The following SCN9A variants were observed in gnomAD, a reference collection of about 807,000 sequenced individuals.
SCN9A encodes the protein sodium voltage-gated channel alpha subunit 9, also known as sodium channel protein type 9 subunit alpha.
Under a neutral mutation model 187.0 loss-of-function variants are expected in SCN9A, and 131 were observed. The observed-to-expected ratio is 0.70, with a 90% CI of 0.61 to 0.81. The LOEUF (loss-of-function observed/expected upper bound fraction) is 0.81. SCN9A is among the 30% of genes least tolerant of loss of function. The probability of loss-of-function intolerance (pLI) is 0.00; values close to 1 mark genes in which losing one functional copy is unlikely to be tolerated. For missense variants in SCN9A, 2,252 were observed against 2,396.6 expected (o/e 0.94, Z 1.26); for synonymous variants, 809 against 808.6 (o/e 1.00, Z -0.01).
intron 5 of SCN9A, 73 bp downstream of exon 5, chr2:166,305,719 T>G: frequency 6.3e-7 from 1 of 1,589,296 alleles, no homozygotes; most frequent in Non-Finnish European, 8.6e-7. Flanking sequence ...CCCCAGAGGT[T>G]TGCTGTTATT....
chr2:166,286,233 G>T, intron 11 of SCN9A, 103 bp downstream of exon 11: 1 of 1,095,682 alleles, frequency 9.1e-7, no homozygotes, highest in South Asian at 1.8e-5. Context: ...TCATACCAAT[G>T]AAATCACTCA....
chr2:166,340,414 T>A (rs1006466936), intron 1 of SCN9A, among the ~76,000 whole-genome samples: 19 of 152,264 alleles, frequency 1.2e-4, no homozygotes, highest in Middle Eastern at 3.4e-3. Flanking sequence ...TTGAATTTTT[T>A]AAAAATCAGG....
intron 1 of SCN9A, among the ~76,000 whole-genome samples, chr2:166,344,016 AGGATCAT>A (rs1699846300): frequency 6.6e-6 from 1 of 152,192 alleles, no homozygotes; most frequent in Non-Finnish European, 1.5e-5. Flanking sequence ...ATAACAGATT[AGGATCAT>A]GGAGAATTAT....
intron 7 of SCN9A, among the ~76,000 whole-genome samples, chr2:166,299,179 T>G (rs1698449383): frequency 7.0e-6 from 1 of 143,630 alleles, no homozygotes; most frequent in Admixed American, 6.7e-5. Context: ...TCATTATCAC[T>G]AGCAAAACAT....
At chr2:166,308,630 T>A (rs577720248) in intron 2 of SCN9A, among the ~76,000 whole-genome samples, 8 of 152,152 alleles carry the variant, frequency 5.3e-5, no homozygotes, top group Non-Finnish European at 7.4e-5. Flanking sequence ...AGTGTAAAAA[T>A]GGACTAATAC....
chr2:166,285,871 A>G (rs1222135879), intron 11 of SCN9A, among the ~76,000 whole-genome samples: 1 of 152,094 alleles, frequency 6.6e-6, no homozygotes, highest in Non-Finnish European at 1.5e-5. Context: ...TTAGTAGTTG[A>G]TGTGGTTGGG....
intron 20 of SCN9A, among the ~76,000 whole-genome samples, chr2:166,235,223 G>T (rs1022058169): frequency 6.6e-6 from 1 of 152,092 alleles, no homozygotes; most frequent in Admixed American, 6.6e-5. Context: ...TAATAGGTCT[G>T]TTCTCCAAGC....
At chr2:166,332,996 T>C (rs1377012012) in intron 1 of SCN9A, among the ~76,000 whole-genome samples, 2 of 151,240 alleles carry the variant, frequency 1.3e-5, no homozygotes, top group East Asian at 3.9e-4. Context: ...CTCAAGAAAA[T>C]ATGGCAAATC....
intron 1 of SCN9A, among the ~76,000 whole-genome samples, chr2:166,375,400 A>AT (rs745516750): frequency 7.2e-5 from 11 of 152,198 alleles, no homozygotes; most frequent in Non-Finnish European, 1.6e-4. Flanking sequence ...ACCACCAGGC[A>AT]TTGCTACCCT....
intron 24 of SCN9A, among the ~76,000 whole-genome samples, chr2:166,224,746 T>C (rs1694774171): frequency 6.6e-6 from 1 of 152,184 alleles, no homozygotes; most frequent in Non-Finnish European, 1.5e-5. Context: ...TCTTTGGTCC[T>C]TCCCTAGTCA....
At position 166,195,685 on chromosome 2, in the gene SCN9A, A is replaced by T. The variant is rs1235484624; in HGVS notation, c.*2987T>A. 1.3e-5 allele frequency: 2 copies of T among 152,196 alleles called. No individual in the cohort carries two copies. The highest frequency in any genetic ancestry group is 2.9e-5 in the Non-Finnish European group (2 of 68,034). The allele number at this position is 152,196 out of a possible 1,614,324, so 9.4% of individuals were successfully genotyped here. On this transcript the variant is annotated 3_prime_UTR_variant, in exon 27 of 27. Coordinates refer to ENST00000642356, the MANE Select transcript of SCN9A (RefSeq NM_001365536.1). ...TTAAAAACAGCTCACAAGTCACCCA[A>T]ATCTTTTGCAAACTAGGTAACTATC...
At chr2:166,360,260 T>C (rs1002067913) in intron 1 of SCN9A, among the ~76,000 whole-genome samples, 1 of 148,688 alleles carries the variant, frequency 6.7e-6, no homozygotes, top group African/African-American at 2.5e-5. Flanking sequence ...GAAATTAAAG[T>C]TTATAATCTT....
chr2:166,286,493 T>C lies in SCN9A; in HGVS notation c.1445A>G (p.Lys482Arg), dbSNP rs1349906747. ...SAKERRNRRK[K>R]KNQKKLSSGE... is the part of the protein sequence containing the mutation. ...ACTGGAGAGCTTCTTTTGATTCTTT[T>C]TCTTTCTTCTGTTTCTTCTTTCTTT... Residue 482 changes from lysine (K) to arginine (R), a missense_variant, in exon 11 of 27, where the codon AAA becomes AGA. Physicochemically the swap from Lys to Arg is conservative, Grantham distance 26. Transcript: ENST00000642356. 8.1e-6 allele frequency: 13 copies of C among 1,613,828 alleles called. No individual in the cohort carries two copies. The highest frequency in any genetic ancestry group is 1.1e-5 in the Non-Finnish European group (13 of 1,179,830).
At chr2:166,364,651 A>T (rs1700371456) in intron 1 of SCN9A, among the ~76,000 whole-genome samples, 1 of 152,274 alleles carries the variant, frequency 6.6e-6, no homozygotes, top group East Asian at 1.9e-4. Context: ...AGAAAGTAGA[A>T]TAGTGGTTAC....
At chr2:166,320,131 G>A (rs1305085698) in intron 1 of SCN9A, among the ~76,000 whole-genome samples, 1 of 151,926 alleles carries the variant, frequency 6.6e-6, no homozygotes, top group Non-Finnish European at 1.5e-5. Flanking sequence ...AGATAAAAAG[G>A]AAAATATCAG....
intron 1 of SCN9A, among the ~76,000 whole-genome samples, chr2:166,339,833 T>C (rs1699719635): frequency 2.0e-5 from 3 of 152,206 alleles, no homozygotes. Context: ...GTGTAGAATA[T>C]GGAATTTCTC....
intron 1 of SCN9A, among the ~76,000 whole-genome samples, chr2:166,371,384 TC>T (rs1237852583): frequency 5.3e-5 from 8 of 152,206 alleles, no homozygotes; most frequent in Non-Finnish European, 1.0e-4. Flanking sequence ...CTGGCATTTT[TC>T]CTCACCACCC....
At chr2:166,207,004 G>A (rs1229141353) in intron 24 of SCN9A, among the ~76,000 whole-genome samples, 4 of 152,110 alleles carry the variant, frequency 2.6e-5, no homozygotes, top group Non-Finnish European at 5.9e-5. Context: ...ACATCTAAAT[G>A]AGGTTTTTGA....
Position 166,199,489 on chromosome 2 carries a change from G to T in SCN9A, c.5150C>A (p.Pro1717Gln). ...TGAACTTCCAGGATGAACTTTTTTTGGGTCACAGTCGGGTGGCTTACTGTT... is the reference window on the plus strand; with the variant it reads ...TGAACTTCCAGGATGAACTTTTTTTTGGTCACAGTCGGGTGGCTTACTGTT... ...ILNSKPPDCD[P>Q]KKVHPGSSVE... The change falls in exon 27 of 27, where the codon CCA (proline) becomes CAA (glutamine). Residue 1717 changes from proline (P) to glutamine (Q), a missense_variant. Coordinates refer to ENST00000642356, the MANE Select transcript of SCN9A (RefSeq NM_001365536.1). 6.2e-7 allele frequency: 1 copy of T among 1,614,078 alleles called. No homozygotes were observed. The highest frequency in any genetic ancestry group is 2.2e-5 in the East Asian group (1 of 44,880).
Sources: gnomAD v4.1 joint callset for allele counts (sites outside exome capture counted in the v4.1 genomes callset) on GRCh38, gnomAD v4.1.1 for gene constraint, MANE v1.5 for transcripts, NCBI Gene and HGNC (gene_info 2026-07-23, HGNC 2026-07-21) for gene names.